The following TTC17 variants were observed in gnomAD, a reference collection of about 807,000 sequenced individuals.
TTC17 encodes tetratricopeptide repeat domain 17, also known as tetratricopeptide repeat protein 17.
Under a neutral mutation model 143.8 loss-of-function variants are expected in TTC17, and 58 were observed. That is an observed-to-expected ratio of 0.40 (90% CI 0.33 to 0.50). The LOEUF is 0.50. TTC17 is among the 20% of genes least tolerant of loss of function. TTC17 has a pLI of 0.49. For synonymous variants in TTC17, 501 were observed against 497.8 expected, an observed-to-expected ratio of 1.01 and a Z score of -0.09; for missense variants, 1,273 against 1,392.5, an observed-to-expected ratio of 0.91 and a Z score of 1.37.
At chr11:43,419,766 A>G (rs1415189567) in intron 16 of TTC17, among the ~76,000 whole-genome samples, 1 of 152,148 alleles carries the variant, frequency 6.6e-6, no homozygotes, top group Non-Finnish European at 1.5e-5. Flanking sequence ...ATCATAGCAC[A>G]CCATAGCTTC....
At chr11:43,466,069 A>G (rs906829434) in intron 21 of TTC17, among the ~76,000 whole-genome samples, 1 of 152,208 alleles carries the variant, frequency 6.6e-6, no homozygotes, top group African/African-American at 2.4e-5. Flanking sequence ...TATATAAACA[A>G]CTTGTACAAA....
chr11:43,409,893 G>A (rs1451573153), intron 15 of TTC17, among the ~76,000 whole-genome samples: 1 of 149,976 alleles, frequency 6.7e-6, no homozygotes, highest in Non-Finnish European at 1.5e-5. Context: ...CCAGGCTGTA[G>A]TGCAGTGACA....
rs1340557755 is a variant in TTC17, at chr11:43,393,617, CAG to C, written c.663+1666_663+1667del. ...TACTCTCTCTCCCCTCCCCGAAGGA[CAG>C]GGGGAGGATGGGATTCTGAAAGATC... On this transcript the variant is annotated intron_variant, in intron 5 of 23. Coordinates refer to ENST00000039989, the MANE Select transcript of TTC17 (RefSeq NM_018259.6). Among the ~76,000 whole-genome samples, 6 of 152,164 alleles carry C rather than the reference CAG, an allele frequency of 3.9e-5. No homozygotes were observed. The South Asian group carries it at 6.2e-4, about 16-fold the overall frequency.
In TTC17 at chr11:43,409,054, C is replaced by T. The variant is rs141801853; in HGVS notation, c.2064+1477C>T. 8.7e-4 allele frequency among the ~76,000 whole-genome samples: 133 copies of T among 152,162 alleles called. 2 individuals carry two copies. Among genetic ancestry groups the T allele is most frequent in the African/African-American group, 2.9e-3 (119 of 41,534 alleles). ...CACCACACCCGGCCCCAAAAATGTT[C>T]CTTAATCAGCACCCTCTTCCCAACT... On this transcript the variant is annotated intron_variant, in intron 15 of 23. Transcript: ENST00000039989.
intron 2 of TTC17, among the ~76,000 whole-genome samples, chr11:43,387,500 G>GTT: frequency 6.6e-6 from 1 of 151,642 alleles, no homozygotes; most frequent in Non-Finnish European, 1.5e-5. Flanking sequence ...CATAGGCTCT[G>GTT]TCCCCATTAA....
At chr11:43,389,551 G>C (rs1857298583) in intron 2 of TTC17, 101 bp from the exon 3 acceptor site, 29 of 1,211,528 alleles carry the variant, frequency 2.4e-5, no homozygotes, top group South Asian at 2.2e-4. Context: ...TTCCTACATA[G>C]AGGATTCTGA....
At chr11:43,462,010 A>G (rs1354567175) in intron 21 of TTC17, among the ~76,000 whole-genome samples, 1 of 150,682 alleles carries the variant, frequency 6.6e-6, no homozygotes, top group Non-Finnish European at 1.5e-5. Context: ...AAATAGTACA[A>G]TGGCGAATAT....
chr11:43,493,865 G>A lies in TTC17; in HGVS notation c.3387G>A (p.Gln1129=). The A allele has an allele frequency of 6.2e-7, 1 of 1,613,884 alleles. No homozygotes were observed. The highest frequency in any genetic ancestry group is 8.5e-7 in the Non-Finnish European group (1 of 1,179,876). Reference sequence around the variant, plus strand: ...CCAAGAACCGAATCCAGACCATCCAGTGTCACTTAATGCTGAAGAAGGGAC... The same window carrying A: ...CCAAGAACCGAATCCAGACCATCCAATGTCACTTAATGCTGAAGAAGGGAC... ...VPAKNRIQTI[Q]CHLMLKKGRR... is the part of the protein sequence containing the mutation. The change falls in exon 24 of 24, where the codon CAG becomes CAA. Residue 1129 remains glutamine (Q), a synonymous_variant. Transcript: ENST00000039989.
chr11:43,443,651 A>C, intron 17 of TTC17, 67 bp downstream of exon 17: 1 of 1,536,284 alleles, frequency 6.5e-7, no homozygotes, highest in Non-Finnish European at 8.7e-7. Flanking sequence ...TAATATGCAA[A>C]GTGGGAAGTT....
intron 2 of TTC17, among the ~76,000 whole-genome samples, chr11:43,388,150 G>A (rs1389539035): frequency 6.6e-6 from 1 of 151,246 alleles, no homozygotes; most frequent in East Asian, 1.9e-4. Flanking sequence ...ATTTTTAATA[G>A]CAAAGAAAGT....
At chr11:43,407,112 A>T in intron 13 of TTC17, 26 bp from the exon 14 acceptor site, 1 of 1,480,836 alleles carries the variant, frequency 6.8e-7, no homozygotes, top group South Asian at 1.2e-5. Context: ...TTTTCAATTG[A>T]GTCAGTCTTC....
chr11:43,390,410 C>G (rs1333802525), intron 3 of TTC17: 1 of 151,960 alleles, frequency 6.6e-6, no homozygotes, highest in Admixed American at 6.6e-5. Context: ...GTCAGAAGAT[C>G]AAAACCATCC....
At position 43,439,202 on chromosome 11, in the gene TTC17, CTT is replaced by C. The variant is rs1947359167; in HGVS notation, c.2252-4120_2252-4119del. On this transcript the variant is annotated intron_variant, in intron 16 of 23. Coordinates refer to ENST00000039989, the MANE Select transcript of TTC17 (RefSeq NM_018259.6). ...TAATCTCTTTGGAATTTTTCAAAAT[CTT>C]TTCAAGCCCGAATTTTTGGTGCAAT... Among the ~76,000 whole-genome samples the C allele has an allele frequency of 3.3e-5, 5 of 152,272 alleles. No individual in the cohort carries two copies. In the South Asian group the frequency reaches 1.0e-3, roughly 32 times the overall value.
intron 16 of TTC17, chr11:43,436,340 T>A: frequency 7.9e-7 from 1 of 1,263,372 alleles, no homozygotes; most frequent in Non-Finnish European, 1.0e-6. Flanking sequence ...TGAAAGTAAG[T>A]TGATTTGACC....
Position 43,399,969 on chromosome 11 carries a change from A to G in TTC17, c.1140A>G (p.Glu380=), listed in dbSNP as rs1857780187. ...ACCTGAGACAGCAGGAAATCCTAGA[A>G]AAACATAAACTGATTCAGGAGGAGC... ...DHYLRQQEIL[E]KHKLIQEEQI... Residue 380 remains glutamate (E), a synonymous_variant, in exon 9 of 24, where the codon GAA becomes GAG. Transcript: ENST00000039989. The G allele has an allele frequency of 5.6e-6, 9 of 1,613,948 alleles. No homozygotes were observed. The highest frequency in any genetic ancestry group is 7.6e-6 in the Non-Finnish European group (9 of 1,179,970).
intron 23 of TTC17, among the ~76,000 whole-genome samples, chr11:43,492,478 G>T (rs572850429): frequency 1.2e-4 from 19 of 152,328 alleles, no homozygotes; most frequent in African/African-American, 4.3e-4. Context: ...ACTCCATGTA[G>T]ACACACATAC....
chr11:43,464,941 G>A (rs1851952546), intron 21 of TTC17, among the ~76,000 whole-genome samples: 1 of 152,210 alleles, frequency 6.6e-6, no homozygotes, highest in African/African-American at 2.4e-5. Context: ...AAGCACAAGA[G>A]ACCAGAAAGC....
At chr11:43,471,884 TGGAA>T (rs1430020586) in intron 21 of TTC17, among the ~76,000 whole-genome samples, 1 of 152,116 alleles carries the variant, frequency 6.6e-6, no homozygotes, top group East Asian at 1.9e-4. Flanking sequence ...ATGTGTGAAA[TGGAA>T]GGCAAATAGT....
chr11:43,405,674 G>A (rs1428138419), intron 12 of TTC17, 45 bp downstream of exon 12: 1 of 1,610,344 alleles, frequency 6.2e-7, no homozygotes. Flanking sequence ...CTGCATGATT[G>A]TCATCTAGCG....
Sources: gnomAD v4.1 joint callset for allele counts (sites outside exome capture counted in the v4.1 genomes callset) on GRCh38, gnomAD v4.1.1 for gene constraint, MANE v1.5 for transcripts, NCBI Gene and HGNC (gene_info 2026-07-23, HGNC 2026-07-21) for gene names.